RRP15: variants seen among roughly 807,000 people sequenced by gnomAD.
RRP15 encodes the protein RRP15-like protein.
Under a neutral mutation model 27.1 loss-of-function variants are expected in RRP15, and 18 were observed. The ratio of observed to expected loss-of-function variants is 0.66; its 90% CI spans 0.46 to 0.98. The LOEUF is 0.98. Ranked by LOEUF, RRP15 falls within the 50% of genes least tolerant of loss-of-function variation. The probability of loss-of-function intolerance (pLI) is 0.00; values close to 1 mark genes in which losing one functional copy is unlikely to be tolerated. For synonymous variants in RRP15, 107 were observed against 109.4 expected (o/e 0.98, Z 0.14); for missense variants, 359 against 337.8 (o/e 1.06, Z -0.49).
At chr1:218,329,609 G>A (rs1443154627) in intron 4 of RRP15, among the ~76,000 whole-genome samples, 3 of 152,184 alleles carry the variant, frequency 2.0e-5, no homozygotes, top group African/African-American at 7.2e-5. Context: ...AAATAGCACA[G>A]ATGTTTTTTA....
At chr1:218,290,370 T>A (rs2102490686) in intron 1 of RRP15, among the ~76,000 whole-genome samples, 1 of 152,324 alleles carries the variant, frequency 6.6e-6, no homozygotes, top group Admixed American at 6.5e-5. Flanking sequence ...AGTTTTAGGC[T>A]CCTGTGAGCC....
chr1:218,335,692 C>T lies in RRP15; in HGVS notation c.*4601C>T, dbSNP rs1330488150. ...GAGAATAAAGCTACAGAGCATCTATCTAGTCTAATGAAACAACAGTGAATT... is the reference window on the plus strand; with the variant it reads ...GAGAATAAAGCTACAGAGCATCTATTTAGTCTAATGAAACAACAGTGAATT... On this transcript the variant is annotated 3_prime_UTR_variant, in exon 5 of 5. Coordinates refer to ENST00000366932, the MANE Select transcript of RRP15 (RefSeq NM_016052.4). The T allele has an allele frequency of 6.6e-6, 1 of 152,180 alleles. No homozygotes were observed. The highest frequency in any genetic ancestry group is 2.4e-5 in the African/African-American group (1 of 41,444). The allele number at this position is 152,180 out of a possible 1,614,324, so 9.4% of individuals were successfully genotyped here. A position where few individuals can be genotyped will look rare whatever the true frequency, so the allele number is the denominator to read the frequency against.
intron 3 of RRP15, among the ~76,000 whole-genome samples, chr1:218,305,521 A>ATTCATTGGCACCAAACG (rs1233043378): frequency 1.3e-5 from 2 of 152,138 alleles, no homozygotes; most frequent in African/African-American, 4.8e-5. Context: ...CTGCTTATTT[A>ATTCATTGGCACCAAACG]TTCATTGGCA....
intron 1 of RRP15, 124 bp downstream of exon 1, chr1:218,285,579 G>C: frequency 7.9e-7 from 1 of 1,260,042 alleles, no homozygotes; most frequent in Non-Finnish European, 1.1e-6. Context: ...CACTTCAGAG[G>C]GGCGACTTTG....
chr1:218,326,228 C>T (rs1656269960), intron 4 of RRP15, among the ~76,000 whole-genome samples: 1 of 152,160 alleles, frequency 6.6e-6, no homozygotes, highest in African/African-American at 2.4e-5. Flanking sequence ...ATCGGTTGAA[C>T]CCAAGAGGTG....
intron 4 of RRP15, among the ~76,000 whole-genome samples, chr1:218,330,493 C>A (rs994070776): frequency 1.3e-5 from 2 of 152,234 alleles, no homozygotes; most frequent in Admixed American, 1.3e-4. Flanking sequence ...AATGTAGTTT[C>A]TTTTTCCCAC....
At chr1:218,322,910 G>T (rs1656209488) in intron 4 of RRP15, among the ~76,000 whole-genome samples, 1 of 152,190 alleles carries the variant, frequency 6.6e-6, no homozygotes, top group African/African-American at 2.4e-5. Context: ...GAGCGAGAGT[G>T]GGGTCCTGCC....
chr1:218,323,743 C>T (rs906628100), intron 4 of RRP15, among the ~76,000 whole-genome samples: 3 of 152,210 alleles, frequency 2.0e-5, no homozygotes, highest in African/African-American at 7.2e-5. Context: ...CTTGTTGGCA[C>T]CCAAAGTCCG....
intron 4 of RRP15, among the ~76,000 whole-genome samples, chr1:218,330,331 G>C (rs1216889213): frequency 6.6e-6 from 1 of 152,078 alleles, no homozygotes; most frequent in Non-Finnish European, 1.5e-5. Context: ...TTTATTGCCT[G>C]CTTCATTTAT....
intron 4 of RRP15, among the ~76,000 whole-genome samples, chr1:218,311,299 C>A (rs981077901): frequency 6.6e-6 from 1 of 152,074 alleles, no homozygotes; most frequent in Non-Finnish European, 1.5e-5. Context: ...TTTCCTCACA[C>A]CTCTCCACAT....
At chr1:218,322,813 G>A (rs984947332) in intron 4 of RRP15, among the ~76,000 whole-genome samples, 1 of 152,082 alleles carries the variant, frequency 6.6e-6, no homozygotes, top group Non-Finnish European at 1.5e-5. Context: ...GGTCCTATGG[G>A]CTCGTTTTGC....
In RRP15 at chr1:218,333,649, A is replaced by C. The variant is rs1656407084; in HGVS notation, c.*2558A>C. The C allele has an allele frequency of 1.3e-5, 2 of 152,322 alleles. No homozygotes were observed. Among genetic ancestry groups the C allele is most frequent in the South Asian group, 4.1e-4 (2 of 4,826 alleles). The allele number at this position is 152,322 out of a possible 1,614,324, so 9.4% of individuals were successfully genotyped here. A position where few individuals can be genotyped will look rare whatever the true frequency, so the allele number is the denominator to read the frequency against. ...GTAGCTAGGACTACAGGTGTGCACCACCATGCCCAGCTAATTTTTTGTCTT... is the reference window on the plus strand; with the variant it reads ...GTAGCTAGGACTACAGGTGTGCACCCCCATGCCCAGCTAATTTTTTGTCTT... On this transcript the variant is annotated 3_prime_UTR_variant, in exon 5 of 5. Transcript: ENST00000366932.
At chr1:218,310,879 G>C (rs1280294858) in intron 4 of RRP15, among the ~76,000 whole-genome samples, 1 of 152,036 alleles carries the variant, frequency 6.6e-6, no homozygotes, top group East Asian at 1.9e-4. Context: ...CTCCCGAGTA[G>C]CTGGGATTAC....
At chr1:218,326,408 A>G (rs551787531) in intron 4 of RRP15, among the ~76,000 whole-genome samples, 1 of 152,204 alleles carries the variant, frequency 6.6e-6, no homozygotes, top group Non-Finnish European at 1.5e-5. Context: ...ATTTTTCCCT[A>G]AATTTTTTTC....
intron 4 of RRP15, among the ~76,000 whole-genome samples, chr1:218,316,910 G>C (rs1244543148): frequency 6.6e-6 from 1 of 152,174 alleles, no homozygotes; most frequent in East Asian, 1.9e-4. Context: ...ATTATGTTTA[G>C]ATTTGGATAT....
In RRP15 at chr1:218,331,110, A is replaced by G. The variant is rs375525571; in HGVS notation, c.*19A>G. On this transcript the variant is annotated 3_prime_UTR_variant, in exon 5 of 5. Coordinates refer to ENST00000366932, the MANE Select transcript of RRP15 (RefSeq NM_016052.4). ...TACATAAAGCATCATAGGAAATACA[A>G]TTGCAGTCGTTTTATTTTTTCTAGA... 4 of 1,595,958 alleles carry G rather than the reference A, an allele frequency of 2.5e-6. No homozygotes were observed. Among genetic ancestry groups the G allele is most frequent in the African/African-American group, 1.3e-5 (1 of 74,190 alleles).
intron 1 of RRP15, among the ~76,000 whole-genome samples, chr1:218,294,914 A>G (rs1196893624): frequency 2.0e-5 from 3 of 152,162 alleles, no homozygotes; most frequent in Non-Finnish European, 4.4e-5. Context: ...GACCAAATAG[A>G]TATTTCACAG....
chr1:218,291,247 G>T (rs937413788), intron 1 of RRP15, among the ~76,000 whole-genome samples: 1 of 151,914 alleles, frequency 6.6e-6, no homozygotes, highest in Admixed American at 6.6e-5. Context: ...AGACCAGCCT[G>T]GCTAACATGG....
At chr1:218,310,350 C>T (rs985721158) in intron 4 of RRP15, among the ~76,000 whole-genome samples, 1 of 152,174 alleles carries the variant, frequency 6.6e-6, no homozygotes, top group African/African-American at 2.4e-5. Context: ...CTAGATTTCA[C>T]TGGCAGCCAT....
Sources: gnomAD v4.1 joint callset for allele counts (sites outside exome capture counted in the v4.1 genomes callset) on GRCh38, gnomAD v4.1.1 for gene constraint, MANE v1.5 for transcripts, NCBI Gene and HGNC (gene_info 2026-07-23, HGNC 2026-07-21) for gene names.